The following RNASEL variants were observed in gnomAD, a reference collection of about 807,000 sequenced individuals.
The protein encoded by RNASEL is ribonuclease L, also known as 2-5A-dependent ribonuclease.
A neutral mutation model predicts 50.9 loss-of-function variants in RNASEL; 36 were observed. The observed-to-expected ratio is 0.71, with a 90% CI of 0.54 to 0.93. The LOEUF (loss-of-function observed/expected upper bound fraction) is 0.93, where lower values mean the gene tolerates loss of function less well. RNASEL is among the 40% of genes least tolerant of loss of function. RNASEL has a pLI of 0.00. For synonymous variants in RNASEL, 335 were observed against 335.6 expected (o/e 1.00, Z 0.02); for missense variants, 860 against 894.5 (o/e 0.96, Z 0.49).
At chr1:182,577,384 T>G (rs1354029711) in intron 5 of RNASEL, among the ~76,000 whole-genome samples, 1 of 152,172 alleles carries the variant, frequency 6.6e-6, no homozygotes, top group Non-Finnish European at 1.5e-5. Flanking sequence ...TTTTATCCTG[T>G]GGCCACCCTT....
rs2102371105 is a variant in RNASEL at position 182,586,001 on chromosome 1, G to A, written c.806C>T (p.Thr269Ile). The A allele has an allele frequency of 1.2e-6, 2 of 1,614,122 alleles. No homozygotes were observed. The highest frequency in any genetic ancestry group is 1.1e-5 in the South Asian group (1 of 91,080). Residue 269 changes from threonine to isoleucine, a missense_variant, in exon 2 of 7, where the codon ACA becomes ATA. Coordinates refer to ENST00000367559, the MANE Select transcript of RNASEL (RefSeq NM_021133.4). ...CAGTGCTGTTTTGCCATCACTGTCT[G>A]TGTCATTAATCTCTATGTGCTCTTG... Reference protein sequence around the residue: ...LEQEHIEINDTDSDGKTALLL... With the variant: ...LEQEHIEINDIDSDGKTALLL...
At chr1:182,579,984 TTGTC>T (rs750286713) in intron 5 of RNASEL, 1 of 456,818 alleles carries the variant, frequency 2.2e-6, no homozygotes, top group South Asian at 1.5e-5. Context: ...GAAAAATTAT[TTGTC>T]TGTGCCTCAG....
chr1:182,587,280 T>C (rs1312027822), intron 1 of RNASEL, among the ~76,000 whole-genome samples: 4 of 152,120 alleles, frequency 2.6e-5, no homozygotes, highest in South Asian at 2.1e-4. Flanking sequence ...AGTCATTTCC[T>C]GTGTTATTGC....
chr1:182,579,528 G>A, intron 5 of RNASEL: 1 of 1,106,494 alleles, frequency 9.0e-7, no homozygotes, highest in Non-Finnish European at 1.1e-6. Context: ...TGTGTGGCAG[G>A]ATGGGGCAAG....
Position 182,581,290 on chromosome 1 carries a change from T to C in RNASEL, c.1840A>G (p.Ile614Val), listed in dbSNP as rs372151650. 5 of 1,614,030 alleles carry C rather than the reference T, an allele frequency of 3.1e-6. No individual in the cohort carries two copies. Among genetic ancestry groups the C allele is most frequent in the Non-Finnish European group, 4.2e-6 (5 of 1,180,040 alleles). The change falls in exon 5 of 7, where the codon ATC becomes GTC. Residue 614 changes from isoleucine to valine, a missense_variant. By Grantham distance (29) the Ile-to-Val change is conservative. Transcript: ENST00000367559. Reference sequence around the variant, plus strand: ...GGCCCAGGTTGCAGTAGTCTGAGGATCTCACTTTCAGATTTTCGTGTTTTG... The same window carrying C: ...GGCCCAGGTTGCAGTAGTCTGAGGACCTCACTTTCAGATTTTCGTGTTTTG... ...DIKTRKSESEILRLLQPGPSE... is the reference protein window; with the variant it reads ...DIKTRKSESEVLRLLQPGPSE...
chr1:182,584,761 G>T (rs541721918), intron 2 of RNASEL, among the ~76,000 whole-genome samples: 6 of 152,176 alleles, frequency 3.9e-5, no homozygotes, highest in Admixed American at 3.9e-4. Context: ...CCTAATCATC[G>T]CTGAAGCCCT....
Position 182,583,879 on chromosome 1 carries a change from T to C in RNASEL, c.1566+202A>G, listed in dbSNP as rs73061339. Among the ~76,000 whole-genome samples, 3,124 of 152,256 alleles carry C rather than the reference T, an allele frequency of 0.021. 108 individuals are homozygous for C. The highest frequency in any genetic ancestry group is 0.071 in the African/African-American group (2,929 of 41,512). ...AGGTTTTGGTACTCAGACTGACCCA[T>C]CACTGGCTTCCTTGTTCCTCAACTT... On this transcript the variant is annotated intron_variant, in intron 3 of 6. Coordinates refer to ENST00000367559, the MANE Select transcript of RNASEL (RefSeq NM_021133.4).
Position 182,585,750 on chromosome 1 carries a change from T to C in RNASEL, c.1057A>G (p.Ile353Val). The change falls in exon 2 of 7, where the codon ATA (isoleucine) becomes GTA (valine). Residue 353 changes from isoleucine to valine, a missense_variant. Physicochemically the swap from Ile to Val is conservative, Grantham distance 29. Transcript: ENST00000367559. The stretch of plus-strand genomic sequence containing the variant: ...AGTTTGCCAATCATAGGGCGGTATA[T>C]TCTGTGGAGATCCTTCAGGGCTGCC... ...WGAALKDLHR[I>V]YRPMIGKLKF... 6.2e-7 allele frequency: 1 copy of C among 1,614,146 alleles called. No individual in the cohort carries two copies. The highest frequency in any genetic ancestry group is 8.5e-7 in the Non-Finnish European group (1 of 1,180,036).
chr1:182,585,324 C>A lies in RNASEL; in HGVS notation c.1480+3G>T, dbSNP rs778599678. ...AAGAGAGAATTGGGGATTGGGGACT[C>A]ACCTATTAAGATGTTTTGTGGTTGC... On this transcript the variant is annotated splice_donor_region_variant and intron_variant, in intron 2 of 6. Transcript: ENST00000367559. 3 of 1,613,754 alleles carry A rather than the reference C, an allele frequency of 1.9e-6. No homozygotes were observed. The highest frequency in any genetic ancestry group is 2.7e-5 in the African/African-American group (2 of 74,932).
At position 182,586,524 on chromosome 1, in the gene RNASEL, G is replaced by A; in HGVS notation, c.283C>T (p.Pro95Ser). The change falls in exon 2 of 7, where the codon CCT becomes TCT. Residue 95 changes from proline to serine, a missense_variant. Transcript: ENST00000367559. ...PVLRKKNGAT[P>S]FILAAIAGSV... ...CCCGCAATCGCTGCGAGGATAAAAG[G>A]CGTGGCCCCATTCTTCTTCCTCAGA... 6.2e-7 allele frequency: 1 copy of A among 1,610,132 alleles called. No homozygotes were observed. The highest frequency in any genetic ancestry group is 8.5e-7 in the Non-Finnish European group (1 of 1,177,228).
rs896662608 is a variant in RNASEL, at chr1:182,574,579, C to A, written c.*813G>T. ...CATTGATATTTTTGTCTGGATAATT[C>A]TTTGTTGCAGGGGCTGTCCTGTGCA... On this transcript the variant is annotated 3_prime_UTR_variant, in exon 7 of 7. Coordinates refer to ENST00000367559, the MANE Select transcript of RNASEL (RefSeq NM_021133.4). The A allele has an allele frequency of 2.6e-5, 6 of 232,556 alleles. No individual in the cohort carries two copies. The highest frequency in any genetic ancestry group is 1.1e-4 in the African/African-American group (5 of 45,248). 14.4% of individuals were successfully genotyped at this position (232,556 alleles called of 1,614,324 possible). A position where few individuals can be genotyped will look rare whatever the true frequency, so the allele number is the denominator to read the frequency against.
Position 182,585,362 on chromosome 1 carries a change from G to A in RNASEL, c.1445C>T (p.Thr482Ile). 6.2e-7 allele frequency: 1 copy of A among 1,614,110 alleles called. No individual in the cohort carries two copies. Among genetic ancestry groups the A allele is most frequent in the Non-Finnish European group, 8.5e-7 (1 of 1,179,984 alleles). ...GTTTTGTGGTTGCAGATCCTGGTGG[G>A]TGTATCCACAGGACAAGTGTAGTTC... ...VQELHLSCGY[T>I]HQDLQPQNIL... The change falls in exon 2 of 7, where the codon ACC becomes ATC. Residue 482 changes from threonine to isoleucine, a missense_variant. Transcript: ENST00000367559.
In RNASEL at chr1:182,586,569, G is replaced by C. The variant is rs777458937; in HGVS notation, c.238C>G (p.Arg80Gly). ...CTCAGAACAGGGTCAGCACCATGAC[G>C]AAGCAGAAGTTCCACAATGTCCTCC... ...SREDIVELLL[R>G]HGADPVLRKK... is the part of the protein sequence containing the mutation. Residue 80 changes from arginine to glycine, a missense_variant, in exon 2 of 7, where the codon CGT (arginine) becomes GGT (glycine). Physicochemically the swap from Arg to Gly is moderately radical, Grantham distance 125. Transcript: ENST00000367559. 6 of 1,604,442 alleles carry C rather than the reference G, an allele frequency of 3.7e-6. No individual in the cohort carries two copies. The African/African-American group carries it at 6.7e-5, about 18-fold the overall frequency.
intron 3 of RNASEL, 25 bp from the exon 4 acceptor site, chr1:182,582,283 C>T: frequency 1.2e-6 from 2 of 1,613,392 alleles, no homozygotes; most frequent in Non-Finnish European, 1.7e-6. Flanking sequence ...TAAATCAAGC[C>T]AAAGATGCTT....
rs1413034352 is a variant in RNASEL, at chr1:182,573,858, A to G, written c.*1534T>C. The G allele has an allele frequency of 5.2e-6, 1 of 193,388 alleles. No homozygotes were observed. Among genetic ancestry groups the G allele is most frequent in the Admixed American group, 6.1e-5 (1 of 16,354 alleles). 12.0% of individuals were successfully genotyped at this position (193,388 alleles called of 1,614,324 possible). A position where few individuals can be genotyped will look rare whatever the true frequency, so the allele number is the denominator to read the frequency against. ...TGCTAGATACCTCCTTTTCAGAAAGAACCTAAGGTACTGTTTTATTCCCAT... is the reference window on the plus strand; with the variant it reads ...TGCTAGATACCTCCTTTTCAGAAAGGACCTAAGGTACTGTTTTATTCCCAT... On this transcript the variant is annotated 3_prime_UTR_variant, in exon 7 of 7. Transcript: ENST00000367559.
chr1:182,578,325 G>A (rs1571264093), intron 5 of RNASEL: 1 of 152,134 alleles, frequency 6.6e-6, no homozygotes, highest in Non-Finnish European at 1.5e-5. Flanking sequence ...CAAATGACAA[G>A]AATAGACATT....
At chr1:182,576,224 A>T (rs187320101) in intron 6 of RNASEL, 32 bp downstream of exon 6, 16 of 1,590,598 alleles carry the variant, frequency 1.0e-5, no homozygotes, top group Middle Eastern at 1.7e-4. Flanking sequence ...CTCATTTCAC[A>T]TATAATTTGT....
At position 182,585,693 on chromosome 1, in the gene RNASEL, C is replaced by T; in HGVS notation, c.1114G>A (p.Ala372Thr). ...TAGATGCCTCCTTCTGAAGTATCAG[C>T]AATTTTGTATTTTTCATCAATAAAG... ...KFFIDEKYKI[A>T]DTSEGGIYLG... The change falls in exon 2 of 7, where the codon GCT becomes ACT. Residue 372 changes from alanine to threonine, a missense_variant. Ala to Thr is a moderately conservative substitution (Grantham distance 58). Transcript: ENST00000367559. The T allele has an allele frequency of 6.2e-7, 1 of 1,614,034 alleles. No individual in the cohort carries two copies. Among genetic ancestry groups the T allele is most frequent in the African/African-American group, 1.3e-5 (1 of 74,980 alleles).
At chr1:182,579,159 C>T (rs1661444657) in intron 5 of RNASEL, 1 of 819,766 alleles carries the variant, frequency 1.2e-6, no homozygotes, top group South Asian at 5.6e-5. Flanking sequence ...ACACTAAAAG[C>T]CCAACTTTAC....
Sources: gnomAD v4.1 joint callset for allele counts (sites outside exome capture counted in the v4.1 genomes callset) on GRCh38, gnomAD v4.1.1 for gene constraint, MANE v1.5 for transcripts, NCBI Gene and HGNC (gene_info 2026-07-23, HGNC 2026-07-21) for gene names.